SDK1: variants seen among roughly 807,000 people sequenced by gnomAD.
SDK1 encodes protein sidekick-1.
Under a neutral mutation model 245.5 loss-of-function variants are expected in SDK1, and 157 were observed. The observed-to-expected ratio is 0.64, with a 90% CI of 0.56 to 0.73. The LOEUF (loss-of-function observed/expected upper bound fraction) is 0.73, where lower values mean the gene tolerates loss of function less well. Ranked by LOEUF, SDK1 falls within the 30% of genes least tolerant of loss-of-function variation. The probability of loss-of-function intolerance (pLI) is 0.00; values close to 1 mark genes in which losing one functional copy is unlikely to be tolerated. For synonymous variants in SDK1, 1,647 were observed against 1,278.5 expected, an observed-to-expected ratio of 1.29 and a Z score of -6.15; for missense variants, 3,583 against 3,002.3, an observed-to-expected ratio of 1.19 and a Z score of -4.52.
chr7:4,146,192 C>G (rs577289521), intron 29 of SDK1, among the ~76,000 whole-genome samples: 3 of 137,854 alleles, frequency 2.2e-5, no homozygotes, highest in Non-Finnish European at 3.2e-5. Flanking sequence ...CTCTCCGACA[C>G]GTGAGCATTG....
At chr7:3,676,604 C>T (rs369723149) in intron 4 of SDK1, among the ~76,000 whole-genome samples, 11 of 152,076 alleles carry the variant, frequency 7.2e-5, no homozygotes, top group East Asian at 5.8e-4. Context: ...GGATTACAGG[C>T]GTGAGCCACC....
chr7:3,986,076 G>T (rs182164476), intron 13 of SDK1, among the ~76,000 whole-genome samples: 1 of 152,108 alleles, frequency 6.6e-6, no homozygotes, highest in African/African-American at 2.4e-5. Flanking sequence ...CCGGATTCAG[G>T]AGACGTGAAG....
intron 1 of SDK1, among the ~76,000 whole-genome samples, chr7:3,328,890 C>T (rs1779999579): frequency 1.3e-5 from 2 of 152,002 alleles, no homozygotes; most frequent in Non-Finnish European, 2.9e-5. Context: ...ATGCAGTGAA[C>T]AACTTTGTGC....
In SDK1 at chr7:4,164,921, C is replaced by T. The variant is rs1260819401; in HGVS notation, c.4800+3065C>T. ...AAATAAATGCTTGTCAACTGCCAGG[C>T]AATTGAAGTATAATTAAAATTATGA... is the stretch of plus-strand genomic sequence containing the variant. On this transcript the variant is annotated intron_variant, in intron 32 of 44. Transcript: ENST00000404826. Among the ~76,000 whole-genome samples, 3 of 152,054 alleles carry T rather than the reference C, an allele frequency of 2.0e-5. No homozygotes were observed. In the East Asian group the frequency reaches 5.8e-4, roughly 29 times the overall value.
intron 16 of SDK1, among the ~76,000 whole-genome samples, chr7:4,016,899 C>A (rs796845188): frequency 3.3e-5 from 5 of 152,276 alleles, no homozygotes; most frequent in African/African-American, 1.2e-4. Flanking sequence ...AGTCCCTAGA[C>A]GAGTTACATG....
At chr7:3,732,014 T>C (rs1437761222) in intron 4 of SDK1, among the ~76,000 whole-genome samples, 1 of 152,162 alleles carries the variant, frequency 6.6e-6, no homozygotes, top group African/African-American at 2.4e-5. Context: ...GTGGTCTCGA[T>C]CTCCTGACCT....
intron 5 of SDK1, among the ~76,000 whole-genome samples, chr7:3,865,195 A>G (rs1352636474): frequency 6.6e-6 from 1 of 152,196 alleles, no homozygotes; most frequent in African/African-American, 2.4e-5. Context: ...GAGCCACAGC[A>G]GATGGGGCAG....
At chr7:3,655,466 T>A (rs1327793283) in intron 4 of SDK1, among the ~76,000 whole-genome samples, 15 of 20,430 alleles carry the variant, frequency 7.3e-4, no homozygotes, top group Non-Finnish European at 2.4e-3. Context: ...TATATATATA[T>A]ATATATATAT....
Position 3,582,683 on chromosome 7 carries a change from T to TAAAAAAAAAAAAAAAAAAAAA in SDK1, c.299-36391_299-36371dup, listed in dbSNP as rs71029682. Among the ~76,000 whole-genome samples, 39 of 69,686 alleles carry TAAAAAAAAAAAAAAAAAAAAA rather than the reference T, an allele frequency of 5.6e-4. 1 individual carries two copies. Among genetic ancestry groups the TAAAAAAAAAAAAAAAAAAAAA allele is most frequent in the African/African-American group, 1.2e-3 (21 of 17,702 alleles). 45.7% of individuals were successfully genotyped at this position (69,686 alleles called of 152,430 possible). ...ATGTAGCCCTGAACCTAAACTAAAGTAAAAAAAAAAAAAAAAAAAAAAAAA... is the reference window on the plus strand; with the variant it reads ...ATGTAGCCCTGAACCTAAACTAAAGTAAAAAAAAAAAAAAAAAAAAAAAAAAAAAAAAAAAAAAAAAAAAAA... On this transcript the variant is annotated intron_variant, in intron 1 of 44. Transcript: ENST00000404826.
chr7:4,148,194 C>A (rs1322868353), intron 29 of SDK1, among the ~76,000 whole-genome samples: 1 of 152,224 alleles, frequency 6.6e-6, no homozygotes, highest in Non-Finnish European at 1.5e-5. Flanking sequence ...CGTGTGCTTA[C>A]GGAGGCAAGT....
rs7806260 is a variant in SDK1, at chr7:4,104,013, G to T, written c.3325-6650G>T. Among the ~76,000 whole-genome samples the T allele has an allele frequency of 8.2e-3, 1,251 of 152,378 alleles. 20 individuals are homozygous for T. Among genetic ancestry groups the T allele is most frequent in the African/African-American group, 0.029 (1,209 of 41,588 alleles). On this transcript the variant is annotated intron_variant, in intron 22 of 44. Coordinates refer to ENST00000404826, the MANE Select transcript of SDK1 (RefSeq NM_152744.4). ...CTTTATTTACAAAAACAGGAAGTGG[G>T]CCAGATTCGGCCCCTGGGCCGGAGT...
intron 5 of SDK1, among the ~76,000 whole-genome samples, chr7:3,938,316 G>T (rs928632131): frequency 6.6e-6 from 1 of 152,224 alleles, no homozygotes; most frequent in Non-Finnish European, 1.5e-5. Flanking sequence ...CTTCTATTCA[G>T]TGGGAGATTA....
At chr7:3,475,628 T>C (rs1216340760) in intron 1 of SDK1, among the ~76,000 whole-genome samples, 1 of 152,348 alleles carries the variant, frequency 6.6e-6, no homozygotes, top group East Asian at 1.9e-4. Flanking sequence ...TCAAATGACA[T>C]GATTATGTTA....
chr7:3,929,079 G>C (rs1269773689), intron 5 of SDK1, among the ~76,000 whole-genome samples: 1 of 152,222 alleles, frequency 6.6e-6, no homozygotes, highest in Admixed American at 6.5e-5. Context: ...TAGATGGAGA[G>C]GAATGCCCCT....
chr7:3,726,417 A>G (rs1779009456), intron 4 of SDK1, among the ~76,000 whole-genome samples: 1 of 152,234 alleles, frequency 6.6e-6, no homozygotes, highest in South Asian at 2.1e-4. Context: ...CTTACAGGAA[A>G]CTGTTTTTGC....
intron 25 of SDK1, among the ~76,000 whole-genome samples, chr7:4,127,078 T>C (rs2128196719): frequency 6.6e-6 from 1 of 152,274 alleles, no homozygotes; most frequent in Middle Eastern, 3.4e-3. Context: ...GATTTCCTAT[T>C]TGAGATAAAA....
chr7:3,844,424 A>G (rs1453658611), intron 5 of SDK1, among the ~76,000 whole-genome samples: 4 of 152,172 alleles, frequency 2.6e-5, no homozygotes, highest in African/African-American at 9.7e-5. Context: ...CCCACCCTAA[A>G]TTGAATTAAG....
At chr7:4,084,410 G>A (rs1781290393) in intron 22 of SDK1, among the ~76,000 whole-genome samples, 1 of 152,118 alleles carries the variant, frequency 6.6e-6, no homozygotes, top group Admixed American at 6.6e-5. Context: ...TCGTATCCTG[G>A]GGCTCCGGCA....
At chr7:3,887,074 C>T (rs1014218958) in intron 5 of SDK1, among the ~76,000 whole-genome samples, 9 of 152,172 alleles carry the variant, frequency 5.9e-5, no homozygotes, top group African/African-American at 1.9e-4. Context: ...GGTTATGCCG[C>T]TGTTGCAAAC....
Sources: allele counts gnomAD v4.1 joint callset (sites outside exome capture counted in the v4.1 genomes callset), GRCh38; gene constraint gnomAD v4.1.1; transcripts MANE v1.5; gene names NCBI Gene and HGNC (gene_info 2026-07-23, HGNC 2026-07-21).